Variants in BTBD9 observed in about 807,000 individuals in gnomAD.
BTBD9 encodes BTB/POZ domain-containing protein 9.
A neutral mutation model predicts 64.3 loss-of-function variants in BTBD9; 49 were observed. That is an observed-to-expected ratio of 0.76 (90% CI 0.61 to 0.97). BTBD9 has a LOEUF of 0.97. BTBD9 is among the 50% of genes least tolerant of loss of function. The pLI is 0.00. For missense variants in BTBD9, 598 were observed against 762.1 expected (o/e 0.78, Z 2.53); for synonymous variants, 260 against 274.7 (o/e 0.95, Z 0.53).
At chr6:38,475,173 A>C (rs1330110817) in intron 6 of BTBD9, among the ~76,000 whole-genome samples, 1 of 152,204 alleles carries the variant, frequency 6.6e-6, no homozygotes, top group Non-Finnish European at 1.5e-5. Context: ...ATACATATAC[A>C]CATGGCCAAA....
At chr6:38,583,092 T>C (rs946855366) in intron 4 of BTBD9, among the ~76,000 whole-genome samples, 7 of 152,196 alleles carry the variant, frequency 4.6e-5, no homozygotes, top group Non-Finnish European at 1.0e-4. Context: ...CATAACTACT[T>C]GGTAAAAATA....
chr6:38,237,920 T>C lies in BTBD9; in HGVS notation c.1562+18489A>G, dbSNP rs1763836135. On this transcript the variant is annotated intron_variant, in intron 9 of 10. Coordinates refer to ENST00000481247, the MANE Select transcript of BTBD9 (RefSeq NM_001099272.2). ...TGGGAGGCTGAGGCAAAAAGACTGC[T>C]TGAGGCCAGGAGTTCGAGACCAGCC... Among the ~76,000 whole-genome samples, 2 of 152,028 alleles carry C rather than the reference T, an allele frequency of 1.3e-5. 1 individual carries two copies. The highest frequency in any genetic ancestry group is 1.3e-4 in the Admixed American group (2 of 15,270).
chr6:38,331,308 A>C (rs1162058829), intron 7 of BTBD9, among the ~76,000 whole-genome samples: 1 of 152,174 alleles, frequency 6.6e-6, no homozygotes, highest in Non-Finnish European at 1.5e-5. Flanking sequence ...GTGAAACCCT[A>C]TCTCTATTAA....
At chr6:38,463,441 C>T (rs1405258981) in intron 6 of BTBD9, among the ~76,000 whole-genome samples, 2 of 152,186 alleles carry the variant, frequency 1.3e-5, no homozygotes, top group African/African-American at 4.8e-5. Flanking sequence ...AAGTGGATAT[C>T]CCCAACATAG....
At chr6:38,260,221 T>C (rs113289151) in intron 8 of BTBD9, among the ~76,000 whole-genome samples, 2,105 of 152,322 alleles carry the variant, frequency 0.014, 48 homozygotes, top group African/African-American at 0.045. Context: ...ATTGAAATCA[T>C]TCGTAACTCT....
At chr6:38,345,984 G>A (rs547357985) in intron 6 of BTBD9, among the ~76,000 whole-genome samples, 58 of 152,262 alleles carry the variant, frequency 3.8e-4, no homozygotes, top group Non-Finnish European at 8.1e-4. Flanking sequence ...GCCACACACC[G>A]TCTTACTGGA....
intron 9 of BTBD9, among the ~76,000 whole-genome samples, chr6:38,219,257 C>CCTGAGTAG (rs1763120887): frequency 2.0e-5 from 3 of 150,436 alleles, no homozygotes; most frequent in African/African-American, 7.3e-5. Context: ...ACCTCAGCCT[C>CCTGAGTAG]CTGAGTAGCT....
intron 6 of BTBD9, among the ~76,000 whole-genome samples, chr6:38,372,166 G>C (rs1156312485): frequency 6.6e-6 from 1 of 152,172 alleles, no homozygotes; most frequent in African/African-American, 2.4e-5. Flanking sequence ...TTTGGGCCTT[G>C]AATGAGAGAA....
chr6:38,475,019 T>A (rs1365820524), intron 6 of BTBD9, among the ~76,000 whole-genome samples: 1 of 152,216 alleles, frequency 6.6e-6, no homozygotes, highest in African/African-American at 2.4e-5. Context: ...ATGGTACCTC[T>A]ATATAATGAA....
chr6:38,360,002 A>T (rs1165587978), intron 6 of BTBD9, among the ~76,000 whole-genome samples: 1 of 152,216 alleles, frequency 6.6e-6, no homozygotes, highest in Non-Finnish European at 1.5e-5. Context: ...AAGTCATTTG[A>T]CAAACACTAG....
At chr6:38,333,643 G>A (rs867026460) in intron 7 of BTBD9, among the ~76,000 whole-genome samples, 2 of 152,198 alleles carry the variant, frequency 1.3e-5, no homozygotes, top group Admixed American at 6.5e-5. Flanking sequence ...GTAAATAAGT[G>A]CCTGTTTTCC....
intron 7 of BTBD9, among the ~76,000 whole-genome samples, chr6:38,335,533 G>A (rs967062351): frequency 9.9e-5 from 15 of 151,870 alleles, no homozygotes; most frequent in South Asian, 4.2e-4. Flanking sequence ...GATTACAGGC[G>A]TGAGCCACTG....
rs969356190 is a variant in BTBD9 at position 38,382,743 on chromosome 6, TA to T, written c.1155-37651del. ...GAGGAAAACAAAATACTTAAGATGC[TA>T]AAGAGATTAAAAAGATAAGAAATTA... On this transcript the variant is annotated intron_variant, in intron 6 of 10. Coordinates refer to ENST00000481247, the MANE Select transcript of BTBD9 (RefSeq NM_001099272.2). 3.3e-5 allele frequency among the ~76,000 whole-genome samples: 5 copies of T among 152,132 alleles called. No homozygotes were observed. The South Asian group carries it at 8.3e-4, about 25-fold the overall frequency.
chr6:38,242,064 A>G (rs1487537134), intron 9 of BTBD9, among the ~76,000 whole-genome samples: 1 of 152,224 alleles, frequency 6.6e-6, no homozygotes, highest in African/African-American at 2.4e-5. Flanking sequence ...AGTAGTACTG[A>G]CAGCAAGGTA....
chr6:38,580,554 T>C (rs1776239769), intron 4 of BTBD9, 117 bp from the exon 5 acceptor site: 5 of 840,132 alleles, frequency 6.0e-6, no homozygotes, highest in South Asian at 3.4e-5. Flanking sequence ...AAGAACAGCA[T>C]AGACAAGTTT....
chr6:38,465,193 G>T (rs971196154), intron 6 of BTBD9, among the ~76,000 whole-genome samples: 14 of 151,970 alleles, frequency 9.2e-5, no homozygotes, highest in African/African-American at 3.4e-4. Context: ...TACTTGGAAG[G>T]CTGAGGCAGA....
At chr6:38,569,202 G>A (rs890001991) in intron 6 of BTBD9, among the ~76,000 whole-genome samples, 1 of 152,200 alleles carries the variant, frequency 6.6e-6, no homozygotes, top group Non-Finnish European at 1.5e-5. Flanking sequence ...ATTTTGCCTG[G>A]AAGGGCAAAA....
intron 9 of BTBD9, among the ~76,000 whole-genome samples, chr6:38,211,211 C>T (rs936457950): frequency 6.6e-6 from 1 of 152,130 alleles, no homozygotes; most frequent in African/African-American, 2.4e-5. Context: ...GGGTGGATCA[C>T]GAGGTCAGGA....
chr6:38,452,227 A>C (rs1009666273), intron 6 of BTBD9, among the ~76,000 whole-genome samples: 4 of 152,108 alleles, frequency 2.6e-5, no homozygotes, highest in Admixed American at 6.5e-5. Context: ...GAGGATTCCT[A>C]TGCCCCAAAA....
Sources: gnomAD v4.1 joint callset for allele counts (sites outside exome capture counted in the v4.1 genomes callset) on GRCh38, gnomAD v4.1.1 for gene constraint, MANE v1.5 for transcripts, NCBI Gene and HGNC (gene_info 2026-07-23, HGNC 2026-07-21) for gene names.